Variants in CPLX2 observed in about 807,000 individuals in gnomAD.
CPLX2 encodes complexin-2.
In CPLX2, 5 loss-of-function variants were observed where a neutral mutation model predicts 16.3. The ratio of observed to expected loss-of-function variants is 0.31; its 90% CI spans 0.16 to 0.64. The LOEUF (loss-of-function observed/expected upper bound fraction) is 0.64, where lower values mean the gene tolerates loss of function less well. Ranked by LOEUF, CPLX2 falls within the 30% of genes least tolerant of loss-of-function variation. The pLI, the probability that CPLX2 is intolerant of heterozygous loss-of-function variation, is 0.79. For synonymous variants in CPLX2, 89 were observed against 73.2 expected (o/e 1.22, Z -1.10); for missense variants, 144 against 181.4 (o/e 0.79, Z 1.18).
rs35250246 is a variant in CPLX2, at chr5:175,825,937, C to CAAAAAAA, written c.-89+16885_-89+16891dup. 4.4e-3 allele frequency among the ~76,000 whole-genome samples: 196 copies of CAAAAAAA among 44,376 alleles called. 13 individuals carry two copies. The highest frequency in any genetic ancestry group is 5.4e-3 in the Non-Finnish European group (139 of 25,918). 29.1% of individuals were successfully genotyped at this position (44,376 alleles called of 152,430 possible). On this transcript the variant is annotated intron_variant, in intron 2 of 4. Coordinates refer to the CPLX2 transcript ENST00000359546. ...GGAAGTGGTTTTAAATGAATAAGTGCAAAAAAAAAAAAAAAAAAAAAAGCC... is the reference window on the plus strand; with the variant it reads ...GGAAGTGGTTTTAAATGAATAAGTGCAAAAAAAAAAAAAAAAAAAAAAAAAAAAAGCC...
intron 2 of CPLX2, among the ~76,000 whole-genome samples, chr5:175,812,496 C>A (rs1325568354): frequency 6.6e-6 from 1 of 152,112 alleles, no homozygotes; most frequent in Non-Finnish European, 1.5e-5. Flanking sequence ...ATAATCAGGT[C>A]AGAGTAAGAT....
chr5:175,851,678 A>G (rs1024753531), intron 2 of CPLX2, among the ~76,000 whole-genome samples: 5 of 152,224 alleles, frequency 3.3e-5, no homozygotes, highest in Non-Finnish European at 7.3e-5. Context: ...ATGAGTCTCA[A>G]GACCAAGGTA....
rs1272937449 is a variant in CPLX2 at position 175,880,406 on chromosome 5, TCCAGCCCTGC to T, written c.*367_*376del. 23 of 366,376 alleles carry T rather than the reference TCCAGCCCTGC, an allele frequency of 6.3e-5. 1 individual carries two copies. Among genetic ancestry groups the T allele is most frequent in the South Asian group, 4.1e-4 (19 of 46,172 alleles). The allele number at this position is 366,376 out of a possible 1,614,324, so 22.7% of individuals were successfully genotyped here. On this transcript the variant is annotated 3_prime_UTR_variant, in exon 4 of 4. Transcript: ENST00000393745. ...CCAGCCAGCCAAAGTAATGACACAT[TCCAGCCCTGC>T]CCAGCATGCTGACCTTTGGCCTCTA...
At chr5:175,861,395 T>C (rs1759368190) in intron 2 of CPLX2, among the ~76,000 whole-genome samples, 2 of 152,006 alleles carry the variant, frequency 1.3e-5, no homozygotes, top group Admixed American at 6.6e-5. Context: ...AGAGTTGAGG[T>C]AAACAGGTTG....
intron 2 of CPLX2, among the ~76,000 whole-genome samples, chr5:175,825,841 C>T (rs1036120427): frequency 6.8e-6 from 1 of 148,100 alleles, no homozygotes; most frequent in Admixed American, 6.9e-5. Context: ...GAGGGTGACC[C>T]TGCTGGACTT....
intron 2 of CPLX2, among the ~76,000 whole-genome samples, chr5:175,823,053 C>A (rs570843539): frequency 6.7e-6 from 1 of 150,338 alleles, no homozygotes; most frequent in East Asian, 1.9e-4. Flanking sequence ...AAAAAAAAGT[C>A]TTCTCTAATC....
intron 2 of CPLX2, among the ~76,000 whole-genome samples, chr5:175,861,090 A>C (rs1759364316): frequency 6.6e-6 from 1 of 152,178 alleles, no homozygotes; most frequent in Non-Finnish European, 1.5e-5. Context: ...AAGTGGCCTC[A>C]GTCTGCAAAT....
upstream of CPLX2, among the ~76,000 whole-genome samples, chr5:175,870,595 G>A (rs955419954): frequency 6.9e-6 from 1 of 145,982 alleles, no homozygotes; most frequent in Admixed American, 7.0e-5. Flanking sequence ...AGAATAAAAA[G>A]GCTCATTAGG....
At chr5:175,797,404 G>A (rs1381370644) in intron 1 of CPLX2, among the ~76,000 whole-genome samples, 1 of 152,178 alleles carries the variant, frequency 6.6e-6, no homozygotes, top group African/African-American at 2.4e-5. Flanking sequence ...AGGTAGAGGG[G>A]AAACAGGCAC....
chr5:175,835,797 G>A (rs1297515366), intron 2 of CPLX2, among the ~76,000 whole-genome samples: 2 of 135,526 alleles, frequency 1.5e-5, no homozygotes, highest in Non-Finnish European at 3.0e-5. Context: ...GGAGTGCAGT[G>A]GTGTGATCTT....
intron 1 of CPLX2, among the ~76,000 whole-genome samples, chr5:175,876,225 G>C (rs143759895): frequency 6.6e-6 from 1 of 152,118 alleles, no homozygotes; most frequent in African/African-American, 2.4e-5. Context: ...TAAATCCCCA[G>C]TGCCTAACAC....
At chr5:175,825,331 A>C (rs1190211285) in intron 2 of CPLX2, among the ~76,000 whole-genome samples, 1 of 152,028 alleles carries the variant, frequency 6.6e-6, no homozygotes, top group Non-Finnish European at 1.5e-5. Flanking sequence ...GCAGAGGTTC[A>C]GTGAGCCAAG....
At chr5:175,843,304 C>T (rs1176911949) in intron 2 of CPLX2, among the ~76,000 whole-genome samples, 1 of 152,226 alleles carries the variant, frequency 6.6e-6, no homozygotes. Flanking sequence ...AAGCCCCAAG[C>T]TGTAAACACT....
At chr5:175,871,474 A>AGAGAGG (rs1759615431), upstream of CPLX2, 1 of 149,760 alleles carries the variant, frequency 6.7e-6, no homozygotes, top group Admixed American at 6.7e-5. Flanking sequence ...AGAGAGAGAG[A>AGAGAGG]GAGAGAGAGA....
intron 2 of CPLX2, among the ~76,000 whole-genome samples, chr5:175,812,528 T>G (rs2113634901): frequency 6.6e-6 from 1 of 152,302 alleles, no homozygotes; most frequent in African/African-American, 2.4e-5. Context: ...GTGGAAGATT[T>G]CAAGATGGCA....
intron 2 of CPLX2, among the ~76,000 whole-genome samples, chr5:175,836,078 CG>C (rs970814002): frequency 1.3e-5 from 2 of 151,460 alleles, no homozygotes; most frequent in East Asian, 4.0e-4. Flanking sequence ...AGGCCAGGCG[CG>C]GTGGCTCACG....
chr5:175,843,385 C>T (rs867784439), intron 2 of CPLX2, among the ~76,000 whole-genome samples: 10 of 152,206 alleles, frequency 6.6e-5, no homozygotes, highest in African/African-American at 2.4e-4. Context: ...GTGAATGTCC[C>T]CCCAACACAC....
intron 2 of CPLX2, among the ~76,000 whole-genome samples, chr5:175,866,149 G>A (rs147381685): frequency 6.6e-6 from 1 of 152,332 alleles, no homozygotes; most frequent in African/African-American, 2.4e-5. Flanking sequence ...ACCCTCTCGA[G>A]AGCATGGAAA....
rs140772775 is a variant in CPLX2 at position 175,807,099 on chromosome 5, G to A, written c.-168-1890G>A. On this transcript the variant is annotated intron_variant, in intron 1 of 4. Transcript: ENST00000359546. ...AGAGGCACAGAAAACTCACCAGCAA[G>A]TGCGTGCTCAACGGGCCCCTCGCCT... Among the ~76,000 whole-genome samples, 664 of 152,342 alleles carry A rather than the reference G, an allele frequency of 4.4e-3. 4 individuals carry two copies. The highest frequency in any genetic ancestry group is 0.015 in the African/African-American group (631 of 41,568).
Sources: gnomAD v4.1 joint callset for allele counts (sites outside exome capture counted in the v4.1 genomes callset) on GRCh38, gnomAD v4.1.1 for gene constraint, MANE v1.5 for transcripts, NCBI Gene and HGNC (gene_info 2026-07-23, HGNC 2026-07-21) for gene names.